The following PCDH7 variants were observed in gnomAD, a reference collection of about 807,000 sequenced individuals.
The protein encoded by PCDH7 is protocadherin 7.
In PCDH7, 17 loss-of-function variants were observed where a neutral mutation model predicts 58.9. The ratio of observed to expected loss-of-function variants is 0.29; its 90% CI spans 0.20 to 0.43. The LOEUF (loss-of-function observed/expected upper bound fraction) is 0.43. PCDH7 is among the 20% of genes least tolerant of loss of function. The probability of loss-of-function intolerance (pLI) is 1.00; values close to 1 mark genes in which losing one functional copy is unlikely to be tolerated. For missense variants in PCDH7, 1,274 were observed against 1,441.0 expected, an observed-to-expected ratio of 0.88 and a Z score of 1.88; for synonymous variants, 664 against 616.4, an observed-to-expected ratio of 1.08 and a Z score of -1.14.
At chr4:30,727,577 A>C (rs1013956501) in intron 1 of PCDH7, among the ~76,000 whole-genome samples, 1 of 151,934 alleles carries the variant, frequency 6.6e-6, no homozygotes, top group African/African-American at 2.4e-5. Flanking sequence ...CAGCTAAATA[A>C]TGTGTTTAGC....
chr4:30,875,376 A>G (rs544675040), intron 1 of PCDH7, among the ~76,000 whole-genome samples: 5 of 152,102 alleles, frequency 3.3e-5, no homozygotes, highest in African/African-American at 4.8e-5. Context: ...TCCAAATAAG[A>G]TCACATTCTG....
chr4:30,988,879 G>A (rs183413477), intron 3 of PCDH7, among the ~76,000 whole-genome samples: 29 of 152,274 alleles, frequency 1.9e-4, no homozygotes, highest in African/African-American at 7.0e-4. Flanking sequence ...AATGCCTGAT[G>A]ATTCTTATAG....
In PCDH7 at chr4:30,753,480, A is replaced by T. The variant is rs185706989; in HGVS notation, c.70+28884A>T. 3.9e-5 allele frequency among the ~76,000 whole-genome samples: 6 copies of T among 152,346 alleles called. 1 individual carries two copies. The East Asian group carries it at 1.2e-3, about 29-fold the overall frequency. ...ATGTATGAAGGTGCATTATAGGCAAAAATGAGTCATTTCTTAGGCAGGCAC... is the reference window on the plus strand; with the variant it reads ...ATGTATGAAGGTGCATTATAGGCAATAATGAGTCATTTCTTAGGCAGGCAC... On this transcript the variant is annotated intron_variant, in intron 1 of 3. Coordinates refer to the PCDH7 transcript ENST00000509759.
intron 2 of PCDH7, among the ~76,000 whole-genome samples, chr4:30,927,971 TC>T (rs1744102278): frequency 6.6e-6 from 1 of 152,202 alleles, no homozygotes; most frequent in Non-Finnish European, 1.5e-5. Flanking sequence ...AGTTTAGTAG[TC>T]TTTTTTTTAT....
chr4:30,956,289 A>C (rs764814743), intron 3 of PCDH7, among the ~76,000 whole-genome samples: 2 of 152,168 alleles, frequency 1.3e-5, no homozygotes, highest in Non-Finnish European at 2.9e-5. Context: ...ACTATCAGAC[A>C]TAATAATACC....
intron 3 of PCDH7, among the ~76,000 whole-genome samples, chr4:30,998,869 A>T (rs1006057610): frequency 6.6e-6 from 1 of 152,146 alleles, no homozygotes; most frequent in Non-Finnish European, 1.5e-5. Context: ...CCTTTTGAAA[A>T]TATGCAATTG....
intron 3 of PCDH7, among the ~76,000 whole-genome samples, chr4:31,027,998 G>A (rs984517833): frequency 2.6e-5 from 4 of 151,954 alleles, no homozygotes; most frequent in Non-Finnish European, 5.9e-5. Flanking sequence ...GCAACTTTTT[G>A]TATTTAGATG....
chr4:31,007,148 C>T (rs373830108), intron 3 of PCDH7, among the ~76,000 whole-genome samples: 22 of 152,258 alleles, frequency 1.4e-4, no homozygotes, highest in East Asian at 7.7e-4. Flanking sequence ...AAATGACTCT[C>T]CTACATTACA....
At chr4:31,046,490 A>C (rs1756299834) in intron 3 of PCDH7, among the ~76,000 whole-genome samples, 1 of 152,082 alleles carries the variant, frequency 6.6e-6, no homozygotes, top group South Asian at 2.1e-4. Context: ...CATGACTCAA[A>C]TAATCAGGGT....
chr4:30,729,896 G>A (rs73117597), intron 1 of PCDH7, among the ~76,000 whole-genome samples: 1 of 151,688 alleles, frequency 6.6e-6, no homozygotes, highest in Non-Finnish European at 1.5e-5. Context: ...AACCAATCTA[G>A]TGTACTAGAT....
chr4:31,108,409 A>AAAAAAAAAAAAAT (rs1715867843), intron 3 of PCDH7, among the ~76,000 whole-genome samples: 2 of 119,166 alleles, frequency 1.7e-5, no homozygotes, highest in African/African-American at 6.4e-5. Flanking sequence ...AAAAAAAAAA[A>AAAAAAAAAAAAAT]TCACTTTCTA....
At chr4:30,948,285 T>G (rs1158902532) in intron 2 of PCDH7, among the ~76,000 whole-genome samples, 2 of 147,532 alleles carry the variant, frequency 1.4e-5, no homozygotes, top group Non-Finnish European at 3.0e-5. Flanking sequence ...TAGCAACTCA[T>G]ATGCAAAAAA....
At position 30,723,710 on chromosome 4, in the gene PCDH7, T is replaced by C; in HGVS notation, c.2288T>C (p.Val763Ala). Residue 763 changes from valine (V) to alanine (A), a missense_variant, in exon 1 of 2, where the codon GTA becomes GCA. Coordinates refer to ENST00000361762, the Ensembl canonical transcript of PCDH7. The surrounding 1 kb of genome is among the most constrained non-coding windows in gnomAD (Gnocchi z 4.6). ...CCTTCGAGTAATGTCAGGACAGTAG[T>C]AGCTACAGTGTTGGCAACAGACAGT... The C allele has an allele frequency of 6.2e-7, 1 of 1,614,154 alleles. No individual in the cohort carries two copies. Among genetic ancestry groups the C allele is most frequent in the South Asian group, 1.1e-5 (1 of 91,082 alleles).
intron 3 of PCDH7, among the ~76,000 whole-genome samples, chr4:31,050,421 G>T (rs1009661819): frequency 1.8e-4 from 27 of 152,054 alleles, no homozygotes; most frequent in African/African-American, 6.0e-4. Context: ...AGTTACATTG[G>T]CTCAGAAATA....
intron 3 of PCDH7, among the ~76,000 whole-genome samples, chr4:31,076,099 T>A (rs1483843195): frequency 6.6e-6 from 1 of 152,186 alleles, no homozygotes; most frequent in Non-Finnish European, 1.5e-5. Context: ...GTTATTTTCC[T>A]TGTCCCTATG....
chr4:30,757,562 A>G (rs1719470612), intron 1 of PCDH7, among the ~76,000 whole-genome samples: 1 of 152,120 alleles, frequency 6.6e-6, no homozygotes, highest in Non-Finnish European at 1.5e-5. Flanking sequence ...TTTTGCCTGT[A>G]TGAAACATCC....
intron 3 of PCDH7, among the ~76,000 whole-genome samples, chr4:31,099,991 AAGGG>A (rs1268732328): frequency 6.8e-6 from 1 of 146,318 alleles, no homozygotes; most frequent in Non-Finnish European, 1.5e-5. Context: ...AAGAAGGAGG[AAGGG>A]AGGGAGGGAG....
At chr4:30,839,188 T>C (rs1047795086) in intron 1 of PCDH7, among the ~76,000 whole-genome samples, 1 of 151,996 alleles carries the variant, frequency 6.6e-6, no homozygotes, top group Non-Finnish European at 1.5e-5. Flanking sequence ...TCTCTATATA[T>C]ATGTGTGTAC....
chr4:30,996,422 G>A (rs1297254004), intron 3 of PCDH7, among the ~76,000 whole-genome samples: 1 of 152,170 alleles, frequency 6.6e-6, no homozygotes, highest in Admixed American at 6.5e-5. Flanking sequence ...ACATTTTCCA[G>A]CATGGATAGA....
Sources: allele counts gnomAD v4.1 joint callset (sites outside exome capture counted in the v4.1 genomes callset), GRCh38; gene constraint gnomAD v4.1.1; non-coding constraint Gnocchi (gnomAD v3.1); transcripts MANE v1.5; gene names NCBI Gene and HGNC (gene_info 2026-07-23, HGNC 2026-07-21).